GPR149: variants seen among roughly 807,000 people sequenced by gnomAD.
GPR149 encodes the protein probable G protein-coupled receptor 149.
Under a neutral mutation model 50.2 loss-of-function variants are expected in GPR149, and 50 were observed. The ratio of observed to expected loss-of-function variants is 1.00; its 90% CI spans 0.79 to 1.26. The LOEUF (loss-of-function observed/expected upper bound fraction) is 1.26. GPR149 is among the 50% of genes most tolerant of loss of function. GPR149 has a pLI of 0.00. For synonymous variants in GPR149, 405 were observed against 358.2 expected (o/e 1.13, Z -1.48); for missense variants, 983 against 895.4 (o/e 1.10, Z -1.25).
chr3:154,417,591 T>C (rs146449089), intron 3 of GPR149, among the ~76,000 whole-genome samples: 129 of 152,108 alleles, frequency 8.5e-4, no homozygotes, highest in African/African-American at 2.9e-3. Context: ...AACTGATAAA[T>C]TGAGCCTAAG....
rs1713643842 is a variant in GPR149 at position 154,335,814 on chromosome 3, A to G, written c.*1885T>C. On this transcript the variant is annotated 3_prime_UTR_variant, in exon 4 of 4. Coordinates refer to ENST00000389740, the MANE Select transcript of GPR149 (RefSeq NM_001038705.3). ...AATCTTTGCTATTTTCTTCAGCTTT[A>G]TTATGATCCTGTGTCTAATTTCCTT... The G allele has an allele frequency of 1.3e-5, 2 of 152,232 alleles. No individual in the cohort carries two copies. Among genetic ancestry groups the G allele is most frequent in the Admixed American group, 6.5e-5 (1 of 15,296 alleles). The allele number at this position is 152,232 out of a possible 1,614,324, so 9.4% of individuals were successfully genotyped here. A position where few individuals can be genotyped will look rare whatever the true frequency, so the allele number is the denominator to read the frequency against.
At chr3:154,362,594 T>C (rs979746263) in intron 3 of GPR149, among the ~76,000 whole-genome samples, 6 of 152,184 alleles carry the variant, frequency 3.9e-5, no homozygotes, top group Admixed American at 2.0e-4. Flanking sequence ...GTGCTGATTA[T>C]TGTTGAAAGT....
chr3:154,427,285 T>C (rs1243890749), intron 2 of GPR149, among the ~76,000 whole-genome samples: 2 of 152,032 alleles, frequency 1.3e-5, no homozygotes, highest in Non-Finnish European at 2.9e-5. Context: ...CCTAAAATAA[T>C]TATTCAGTAC....
At chr3:154,417,427 C>A (rs75426705) in intron 3 of GPR149, among the ~76,000 whole-genome samples, 1 of 151,734 alleles carries the variant, frequency 6.6e-6, no homozygotes, top group African/African-American at 2.4e-5. Context: ...CCAGGACTTC[C>A]AAGAAAATAT....
At chr3:154,417,827 A>C (rs1237231206) in intron 3 of GPR149, among the ~76,000 whole-genome samples, 1 of 152,134 alleles carries the variant, frequency 6.6e-6, no homozygotes, top group African/African-American at 2.4e-5. Context: ...GTAAGAATTA[A>C]AAGTTGTTTT....
In GPR149 at chr3:154,421,323, T is replaced by TA. The variant is rs1475101012; in HGVS notation, c.1338dup (p.Asn447Ter). 6.2e-6 allele frequency: 10 copies of TA among 1,613,294 alleles called. No individual in the cohort carries two copies. In the East Asian group the frequency reaches 1.8e-4, roughly 29 times the overall value. Reference sequence around the variant, plus strand: ...TCTACTTTTATAGCATTGAAGATGTTACGGTTGTCTCTCTGAGGGTCTTTT... The same window carrying TA: ...TCTACTTTTATAGCATTGAAGATGTTAACGGTTGTCTCTCTGAGGGTCTTTT... On this transcript the variant is annotated frameshift_variant, in exon 3 of 4. Coordinates refer to ENST00000389740, the MANE Select transcript of GPR149 (RefSeq NM_001038705.3). LOFTEE classifies it high-confidence loss of function.
chr3:154,410,756 A>T (rs1021643260), intron 3 of GPR149, among the ~76,000 whole-genome samples: 2 of 152,166 alleles, frequency 1.3e-5, no homozygotes, highest in African/African-American at 2.4e-5. Context: ...GGACTTTAAT[A>T]CTCCACGGAC....
intron 3 of GPR149, among the ~76,000 whole-genome samples, chr3:154,406,333 G>A (rs1711684423): frequency 6.6e-6 from 1 of 152,060 alleles, no homozygotes; most frequent in Admixed American, 6.6e-5. Flanking sequence ...GTAGAAACTG[G>A]TATAACCTTC....
At chr3:154,362,653 T>C in intron 3 of GPR149, among the ~76,000 whole-genome samples, 1 of 152,116 alleles carries the variant, frequency 6.6e-6, no homozygotes. Flanking sequence ...TCAGAATGCA[T>C]TCTTTGTAAG....
chr3:154,369,034 C>T (rs1714602420), intron 3 of GPR149, among the ~76,000 whole-genome samples: 3 of 152,282 alleles, frequency 2.0e-5, no homozygotes, highest in South Asian at 2.1e-4. Flanking sequence ...TGGTTAAATC[C>T]GGTACATGGA....
intron 3 of GPR149, among the ~76,000 whole-genome samples, chr3:154,380,230 T>C (rs922328193): frequency 4.7e-5 from 7 of 149,232 alleles, no homozygotes; most frequent in Admixed American, 2.7e-4. Context: ...TTGGCTAAAC[T>C]GGCAAGTATC....
chr3:154,338,125 T>C lies in GPR149; in HGVS notation c.1770A>G (p.Glu590=), dbSNP rs1280141756. The C allele has an allele frequency of 4.3e-6, 7 of 1,614,072 alleles. No homozygotes were observed. The highest frequency in any genetic ancestry group is 4.0e-5 in the African/African-American group (3 of 74,922). ...GGCCAACACTTTTGGATCGATAGAC[T>C]TCTATTTTCTTAGAGGCTGGAGTTA... ...QKITPASKKI[E]VYRSKSVGHE... The change falls in exon 4 of 4, where the codon GAA becomes GAG. Residue 590 remains glutamate (E), a synonymous_variant. Coordinates refer to ENST00000389740, the MANE Select transcript of GPR149 (RefSeq NM_001038705.3).
At chr3:154,352,926 T>C in intron 3 of GPR149, 3 of 890,656 alleles carry the variant, frequency 3.4e-6, no homozygotes, top group African/African-American at 1.6e-5. Context: ...GATACGGGCC[T>C]CAACATCCTG....
chr3:154,409,847 C>T (rs1357371656), intron 3 of GPR149, among the ~76,000 whole-genome samples: 1 of 152,128 alleles, frequency 6.6e-6, no homozygotes, highest in Non-Finnish European at 1.5e-5. Flanking sequence ...TCTTGCTAGA[C>T]ATCTGGACAT....
At chr3:154,385,442 T>C (rs1264488302) in intron 3 of GPR149, among the ~76,000 whole-genome samples, 3 of 152,190 alleles carry the variant, frequency 2.0e-5, no homozygotes, top group East Asian at 3.9e-4. Context: ...GTCCTCTTTG[T>C]GAATTACTGC....
At chr3:154,389,741 T>A (rs1715122151) in intron 3 of GPR149, among the ~76,000 whole-genome samples, 1 of 152,184 alleles carries the variant, frequency 6.6e-6, no homozygotes, top group African/African-American at 2.4e-5. Flanking sequence ...CACTGAATCC[T>A]GTCTTGCCTG....
At chr3:154,344,194 G>A (rs1312033586) in intron 3 of GPR149, among the ~76,000 whole-genome samples, 2 of 152,072 alleles carry the variant, frequency 1.3e-5, no homozygotes, top group Non-Finnish European at 2.9e-5. Context: ...ATAAACATTT[G>A]AGTCCAACAA....
intron 3 of GPR149, chr3:154,354,189 T>G (rs1271441819): frequency 2.0e-6 from 1 of 495,296 alleles, no homozygotes; most frequent in Non-Finnish European, 3.9e-6. Context: ...ACATTTTCTC[T>G]TGTTTTTGAT....
intron 3 of GPR149, among the ~76,000 whole-genome samples, chr3:154,360,234 G>A (rs1434035682): frequency 6.6e-6 from 1 of 152,188 alleles, no homozygotes; most frequent in African/African-American, 2.4e-5. Flanking sequence ...AACAGTTTCA[G>A]GGGGTCTGTA....
Sources: gnomAD v4.1 joint callset for allele counts (sites outside exome capture counted in the v4.1 genomes callset) on GRCh38, gnomAD v4.1.1 for gene constraint, MANE v1.5 for transcripts, NCBI Gene and HGNC (gene_info 2026-07-23, HGNC 2026-07-21) for gene names.